Variants in CFAP92 observed in about 807,000 individuals in gnomAD.
CFAP92 encodes cilia and flagella associated protein 92 (putative).
In CFAP92, 86 loss-of-function variants were observed where a neutral mutation model predicts 106.3. The ratio of observed to expected loss-of-function variants is 0.81; its 90% CI spans 0.68 to 0.97. The LOEUF (loss-of-function observed/expected upper bound fraction) is 0.97. Ranked by LOEUF, CFAP92 falls within the 50% of genes least tolerant of loss-of-function variation. CFAP92 has a pLI of 0.00. For synonymous variants in CFAP92, 477 were observed against 506.4 expected (o/e 0.94, Z 0.78); for missense variants, 1,204 against 1,283.8 (o/e 0.94, Z 0.95).
At chr3:129,022,464 G>A in the CFAP92 span, among the ~76,000 whole-genome samples, 121 of 152,262 alleles carry the variant, frequency 7.9e-4, no homozygotes, top group Non-Finnish European at 1.4e-3. Context: ...CCAGGACAGC[G>A]GAAGGGAGGA....
At chr3:128,937,572 C>T (rs1939174936) in intron 10 of CFAP92, among the ~76,000 whole-genome samples, 1 of 151,220 alleles carries the variant, frequency 6.6e-6, no homozygotes, top group Non-Finnish European at 1.5e-5. Context: ...CCACAGCACT[C>T]CAGCTTGGGC....
chr3:128,936,480 C>G (rs1268520705), intron 10 of CFAP92, among the ~76,000 whole-genome samples: 1 of 151,770 alleles, frequency 6.6e-6, no homozygotes, highest in Non-Finnish European at 1.5e-5. Context: ...GGGTCATTCT[C>G]ATCACACCCA....
chr3:129,003,728 C>G (rs1944915819), upstream of CFAP92: 1 of 1,269,570 alleles, frequency 7.9e-7, no homozygotes, highest in East Asian at 3.5e-5. Flanking sequence ...GCCGTCGTGG[C>G]GGGCGTTCGT....
chr3:128,957,981 T>A (rs1163369348), intron 9 of CFAP92, among the ~76,000 whole-genome samples: 1 of 152,124 alleles, frequency 6.6e-6, no homozygotes, highest in African/African-American at 2.4e-5. Context: ...GCCCCAGATG[T>A]CCCCTGGCAT....
At position 128,993,301 on chromosome 3, in the gene CFAP92, A is replaced by C. The variant is rs757009135; in HGVS notation, c.4T>G (p.Ser2Ala). The C allele has an allele frequency of 1.2e-6, 2 of 1,612,690 alleles. No homozygotes were observed. The highest frequency in any genetic ancestry group is 1.7e-6 in the Non-Finnish European group (2 of 1,179,592). ...TCTTCCCACTCCCAGGCATGTAGCG[A>C]CATGCTGCAGAGCGCACTGCTGGCC... M[S>A]LHAWEWEEDP... Residue 2 changes from serine (S) to alanine (A), a missense_variant, in exon 2 of 16, where the codon TCG becomes GCG. Ser to Ala is a moderately conservative substitution (Grantham distance 99, BLOSUM62 1). Transcript: ENST00000645291.
At chr3:128,962,282 CT>C (rs922507075) in intron 9 of CFAP92, among the ~76,000 whole-genome samples, 10 of 152,170 alleles carry the variant, frequency 6.6e-5, no homozygotes, top group African/African-American at 2.2e-4. Flanking sequence ...AATACGGAGG[CT>C]ACCCACTCCA....
At chr3:128,984,572 GCCTC>G (rs766342673) in intron 4 of CFAP92, among the ~76,000 whole-genome samples, 14 of 152,178 alleles carry the variant, frequency 9.2e-5, no homozygotes, top group Non-Finnish European at 1.6e-4. Flanking sequence ...TGCACTGTCG[GCCTC>G]CCTATTTTTG....
At chr3:128,991,893 C>T in intron 2 of CFAP92, 1 of 986,472 alleles carries the variant, frequency 1.0e-6, no homozygotes, top group Non-Finnish European at 1.2e-6. Flanking sequence ...TGAAGTACTA[C>T]TTGTCTCCTC....
Position 128,953,415 on chromosome 3 carries a change from T to C in CFAP92, c.1354-7440A>G, listed in dbSNP as rs1576495983. ...CTGTAGTCCCAGCTACTCAGGAGGC[T>C]GAGGGAGGAGAATGGCATGAACCCA... is the stretch of plus-strand genomic sequence containing the variant. On this transcript the variant is annotated intron_variant, in intron 9 of 15. Coordinates refer to ENST00000645291, the MANE Select transcript of CFAP92 (RefSeq NM_001394090.1). Among the ~76,000 whole-genome samples, 3 of 151,970 alleles carry C rather than the reference T, an allele frequency of 2.0e-5. No homozygotes were observed. In the East Asian group the frequency reaches 5.9e-4, roughly 30 times the overall value.
the CFAP92 span, among the ~76,000 whole-genome samples, chr3:129,015,848 A>G: frequency 6.7e-6 from 1 of 149,092 alleles, no homozygotes; most frequent in South Asian, 2.1e-4. Context: ...TGTTTCCTGT[A>G]AGGCTGCTTC....
At chr3:129,001,525 G>T in intron 1 of CFAP92, 2 of 1,331,790 alleles carry the variant, frequency 1.5e-6, no homozygotes, top group South Asian at 2.0e-5. Flanking sequence ...ACCAGACCGC[G>T]ACCGCTAAGC....
In CFAP92 at chr3:128,945,975, T is replaced by C; in HGVS notation, c.1354A>G (p.Arg452Gly). 3.5e-6 allele frequency: 5 copies of C among 1,428,112 alleles called. No homozygotes were observed. The highest frequency in any genetic ancestry group is 2.5e-5 in the East Asian group (1 of 39,632). The allele number at this position is 1,428,112 out of a possible 1,614,324, so 88.5% of individuals were successfully genotyped here. ...TTGCAGTACACAGGCATGCACAGCC[T>C]CTACGAGAGAGCAGGGCCACAGCAG... is the stretch of plus-strand genomic sequence containing the variant. ...SQPVPIQELE[R>G]LCMPVYCKYQ... Residue 452 changes from arginine (R) to glycine (G), a missense_variant and splice_region_variant, in exon 10 of 16, where the codon AGG becomes GGG. By Grantham distance (125) the Arg-to-Gly change is moderately radical. Coordinates refer to ENST00000645291, the MANE Select transcript of CFAP92 (RefSeq NM_001394090.1).
chr3:128,924,975 C>T (rs1246155290), intron 12 of CFAP92, among the ~76,000 whole-genome samples: 1 of 152,202 alleles, frequency 6.6e-6, no homozygotes, highest in East Asian at 1.9e-4. Context: ...AGCACTGGCC[C>T]CCTAGTCCCA....
At chr3:128,939,537 A>G (rs1939412742) in intron 10 of CFAP92, among the ~76,000 whole-genome samples, 1 of 152,020 alleles carries the variant, frequency 6.6e-6, no homozygotes, top group African/African-American at 2.4e-5. Context: ...TGCAACCACC[A>G]CCACCATCAT....
chr3:128,993,484 GC>G (rs1944349206), intron 1 of CFAP92, 148 bp from the exon 2 acceptor site: 2 of 721,404 alleles, frequency 2.8e-6, no homozygotes, highest in African/African-American at 3.6e-5. Context: ...TTCACTGCCT[GC>G]CACACAGTCG....
intron 9 of CFAP92, 89 bp from the exon 10 acceptor site, chr3:128,946,064 C>T (rs139318046): frequency 0.012 from 10,913 of 948,532 alleles, 92 homozygotes; most frequent in Admixed American, 0.022. Context: ...CAGTGCCAGG[C>T]TCATTGCCTG....
rs1328370341 is a variant in CFAP92 at position 128,921,413 on chromosome 3, G to A, written c.2752-5142C>T. On this transcript the variant is annotated intron_variant, in intron 12 of 15. Coordinates refer to ENST00000645291, the MANE Select transcript of CFAP92 (RefSeq NM_001394090.1). Reference sequence around the variant, plus strand: ...GCTTCTTACATACAATAATGCTAATGCAGTGTCAAACTGCTATTAGACCCC... The same window carrying A: ...GCTTCTTACATACAATAATGCTAATACAGTGTCAAACTGCTATTAGACCCC... Among the ~76,000 whole-genome samples, 7 of 152,356 alleles carry A rather than the reference G, an allele frequency of 4.6e-5. No individual in the cohort carries two copies. The East Asian group carries it at 1.2e-3, about 25-fold the overall frequency.
chr3:128,965,826 A>G (rs1001054680), intron 8 of CFAP92, 131 bp from the exon 9 acceptor site: 6 of 396,224 alleles, frequency 1.5e-5, no homozygotes, highest in Admixed American at 8.8e-5. Context: ...ATTAAAAAAA[A>G]AAAAGAAAAG....
At chr3:129,017,300 G>A in the CFAP92 span, among the ~76,000 whole-genome samples, 1 of 152,260 alleles carries the variant, frequency 6.6e-6, no homozygotes, top group African/African-American at 2.4e-5. Context: ...CAGATGGGGT[G>A]TGGTTGTTTG....
Sources: gnomAD v4.1 joint callset for allele counts (sites outside exome capture counted in the v4.1 genomes callset) on GRCh38, gnomAD v4.1.1 for gene constraint, MANE v1.5 for transcripts, NCBI Gene and HGNC (gene_info 2026-07-23, HGNC 2026-07-21) for gene names.